The following PRKD1 variants were observed in gnomAD, a reference collection of about 807,000 sequenced individuals.
PRKD1 encodes serine/threonine-protein kinase D1.
In PRKD1, 63 loss-of-function variants were observed where a neutral mutation model predicts 95.9. The ratio of observed to expected loss-of-function variants is 0.66; its 90% confidence interval spans 0.54 to 0.81. The LOEUF (loss-of-function observed/expected upper bound fraction) is 0.81. Among genes scored for constraint, PRKD1 ranks in the 30% least tolerant of loss-of-function variants. The pLI is 0.00. For missense variants in PRKD1, 1,048 were observed against 1,165.3 expected (o/e 0.90, Z 1.47); for synonymous variants, 425 against 423.1 (o/e 1.00, Z -0.05).
At chr14:29,683,730 C>T (rs1883675436) in intron 2 of PRKD1, among the ~76,000 whole-genome samples, 1 of 152,176 alleles carries the variant, frequency 6.6e-6, no homozygotes, top group African/African-American at 2.4e-5. Context: ...CATTATTATG[C>T]ATATCGCATG....
chr14:29,718,550 C>A (rs1345379231), intron 2 of PRKD1, among the ~76,000 whole-genome samples: 2 of 151,748 alleles, frequency 1.3e-5, no homozygotes, highest in African/African-American at 4.9e-5. Flanking sequence ...TTAACAATCA[C>A]AAAAAGGAAA....
intron 1 of PRKD1, among the ~76,000 whole-genome samples, chr14:29,926,564 G>T (rs1372687513): frequency 1.3e-5 from 2 of 152,180 alleles, no homozygotes; most frequent in South Asian, 2.1e-4. Context: ...TAAGGACACA[G>T]CCAGCCTCGG....
chr14:29,806,517 C>T (rs538466621), intron 1 of PRKD1, among the ~76,000 whole-genome samples: 1 of 151,952 alleles, frequency 6.6e-6, no homozygotes, highest in Non-Finnish European at 1.5e-5. Context: ...AAACAGCCAG[C>T]GCATCATGCA....
At chr14:29,923,385 T>G (rs1050718306) in intron 1 of PRKD1, among the ~76,000 whole-genome samples, 7 of 152,158 alleles carry the variant, frequency 4.6e-5, no homozygotes, top group Non-Finnish European at 7.4e-5. Flanking sequence ...AAGGAGTTTG[T>G]TGGTCCAGGT....
chr14:29,798,788 A>G (rs1416668546), intron 1 of PRKD1, among the ~76,000 whole-genome samples: 1 of 152,222 alleles, frequency 6.6e-6, no homozygotes, highest in East Asian at 1.9e-4. Context: ...AACCTTTTTT[A>G]TTCAGTGTAC....
At chr14:29,638,952 G>A (rs763392480) in intron 4 of PRKD1, 48 bp from the exon 5 acceptor site, 5 of 1,404,860 alleles carry the variant, frequency 3.6e-6, no homozygotes, top group Non-Finnish European at 5.0e-6. Flanking sequence ...GAGGCTATTT[G>A]ATTTATATAT....
intron 1 of PRKD1, among the ~76,000 whole-genome samples, chr14:29,908,909 C>G (rs1003191953): frequency 2.0e-5 from 3 of 152,178 alleles, no homozygotes; most frequent in East Asian, 1.9e-4. Flanking sequence ...TTGAGGAGCC[C>G]TTTAGCCCAC....
chr14:29,678,210 T>C (rs1223221332), intron 2 of PRKD1, among the ~76,000 whole-genome samples: 5 of 152,152 alleles, frequency 3.3e-5, no homozygotes, highest in African/African-American at 1.2e-4. Flanking sequence ...ATTAATTGCA[T>C]GTAGGCTCTG....
chr14:29,910,960 G>A (rs941994230), intron 1 of PRKD1, among the ~76,000 whole-genome samples: 7 of 152,094 alleles, frequency 4.6e-5, no homozygotes, highest in African/African-American at 1.7e-4. Flanking sequence ...TTATTTCACA[G>A]GTGAAAAAAT....
At chr14:29,719,130 C>T (rs371172120) in intron 2 of PRKD1, among the ~76,000 whole-genome samples, 126 of 151,988 alleles carry the variant, frequency 8.3e-4, no homozygotes, top group African/African-American at 2.9e-3. Flanking sequence ...GGCATTGAAT[C>T]GTAGTAGGAG....
intron 1 of PRKD1, among the ~76,000 whole-genome samples, chr14:29,736,017 C>G (rs769024669): frequency 5.3e-5 from 8 of 152,142 alleles, no homozygotes; most frequent in Non-Finnish European, 7.4e-5. Flanking sequence ...TAAAGGTAAT[C>G]TGCAATATCA....
chr14:29,732,290 T>C (rs548320388), intron 1 of PRKD1, among the ~76,000 whole-genome samples: 2 of 152,272 alleles, frequency 1.3e-5, no homozygotes, highest in Admixed American at 1.3e-4. Flanking sequence ...TTACTTTTTT[T>C]CCTTTTCTAT....
chr14:29,793,764 A>G (rs1889677266), intron 1 of PRKD1, among the ~76,000 whole-genome samples: 1 of 152,066 alleles, frequency 6.6e-6, no homozygotes, highest in South Asian at 2.1e-4. Context: ...TTACCCACAG[A>G]AAAGGAAATA....
chr14:29,703,680 G>A (rs781655371), intron 2 of PRKD1, among the ~76,000 whole-genome samples: 4 of 152,108 alleles, frequency 2.6e-5, no homozygotes, highest in Non-Finnish European at 4.4e-5. Flanking sequence ...CCCACCTCAT[G>A]TTAGAGTCTA....
chr14:29,785,082 T>C (rs1889206668), intron 1 of PRKD1, among the ~76,000 whole-genome samples: 1 of 152,178 alleles, frequency 6.6e-6, no homozygotes, highest in Non-Finnish European at 1.5e-5. Flanking sequence ...CCATTACACA[T>C]GCACTCAACT....
intron 1 of PRKD1, among the ~76,000 whole-genome samples, chr14:29,781,645 G>A (rs1889049639): frequency 6.6e-6 from 1 of 152,162 alleles, no homozygotes; most frequent in East Asian, 1.9e-4. Context: ...AAAAGGCAAG[G>A]GAGTCTTTAA....
At chr14:29,730,491 G>A (rs1594466261) in intron 1 of PRKD1, among the ~76,000 whole-genome samples, 1 of 152,266 alleles carries the variant, frequency 6.6e-6, no homozygotes, top group East Asian at 1.9e-4. Context: ...ACTACCATAT[G>A]ATCCAGCAAT....
chr14:29,664,394 C>A (rs1882363252), intron 3 of PRKD1, among the ~76,000 whole-genome samples: 1 of 152,174 alleles, frequency 6.6e-6, no homozygotes, highest in Non-Finnish European at 1.5e-5. Context: ...CTGGTTTCCA[C>A]ATGGTAGGTG....
chr14:29,784,674 A>AGGGTT (rs1889189019), intron 1 of PRKD1, among the ~76,000 whole-genome samples: 1 of 152,212 alleles, frequency 6.6e-6, no homozygotes, highest in Non-Finnish European at 1.5e-5. Flanking sequence ...GCTTAAGGAT[A>AGGGTT]CAAAAGTTGC....
Sources: gnomAD v4.1 joint callset for allele counts (sites outside exome capture counted in the v4.1 genomes callset) on GRCh38, gnomAD v4.1.1 for gene constraint, MANE v1.5 for transcripts, NCBI Gene and HGNC (gene_info 2026-07-23, HGNC 2026-07-21) for gene names.